Variants in PDE1C observed in about 807,000 individuals in gnomAD.
PDE1C encodes dual specificity calcium/calmodulin-dependent 3',5'-cyclic nucleotide phosphodiesterase 1C.
Under a neutral mutation model 93.1 loss-of-function variants are expected in PDE1C, and 62 were observed. The observed-to-expected ratio is 0.67, with a 90% CI of 0.54 to 0.82. The LOEUF is 0.82. Among genes scored for constraint, PDE1C ranks in the 40% least tolerant of loss-of-function variants. The probability of loss-of-function intolerance (pLI) is 0.00; values close to 1 mark genes in which losing one functional copy is unlikely to be tolerated. For synonymous variants in PDE1C, 325 were observed against 310.1 expected (o/e 1.05, Z -0.50); for missense variants, 742 against 884.6 (o/e 0.84, Z 2.04).
chr7:32,131,083 T>C (rs1799895864), intron 3 of PDE1C, among the ~76,000 whole-genome samples: 1 of 152,158 alleles, frequency 6.6e-6, no homozygotes, highest in Admixed American at 6.6e-5. Context: ...CCACAGGTTA[T>C]GGATCTCTTC....
At chr7:32,144,946 C>T (rs1007817776) in intron 3 of PDE1C, among the ~76,000 whole-genome samples, 21 of 152,156 alleles carry the variant, frequency 1.4e-4, no homozygotes, top group African/African-American at 4.8e-4. Flanking sequence ...ATACAGTGAA[C>T]CTTGCTGTAA....
intron 2 of PDE1C, among the ~76,000 whole-genome samples, chr7:31,994,489 T>C (rs1049926243): frequency 6.6e-5 from 10 of 152,162 alleles, no homozygotes; most frequent in Admixed American, 3.3e-4. Context: ...ATTTGATAAG[T>C]GCAAGATTTT....
At chr7:31,849,202 G>A (rs1303062940) in intron 8 of PDE1C, among the ~76,000 whole-genome samples, 4 of 152,276 alleles carry the variant, frequency 2.6e-5, no homozygotes, top group East Asian at 3.9e-4. Context: ...TCCACCTCCT[G>A]TAATAAAGCC....
At chr7:32,113,471 T>G (rs906234661) in intron 3 of PDE1C, among the ~76,000 whole-genome samples, 32 of 151,378 alleles carry the variant, frequency 2.1e-4, no homozygotes, top group African/African-American at 7.0e-4. Context: ...CATTGTATTC[T>G]TTGTTTCTTA....
At chr7:31,908,128 ATTGCTAAAAAAGTGAAAT>A (rs1800815051) in intron 2 of PDE1C, among the ~76,000 whole-genome samples, 1 of 152,198 alleles carries the variant, frequency 6.6e-6, no homozygotes, top group Non-Finnish European at 1.5e-5. Flanking sequence ...CATTAGTAAT[ATTGCTAAAAAAGTGAAAT>A]TCAGTCATCA....
At chr7:32,289,045 A>G (rs1432782034) in intron 1 of PDE1C, among the ~76,000 whole-genome samples, 1 of 152,244 alleles carries the variant, frequency 6.6e-6, no homozygotes, top group Non-Finnish European at 1.5e-5. Context: ...TACATATGTC[A>G]CATCATATGT....
chr7:32,121,122 AG>A (rs1340077606), intron 3 of PDE1C, among the ~76,000 whole-genome samples: 1 of 152,208 alleles, frequency 6.6e-6, no homozygotes, highest in Non-Finnish European at 1.5e-5. Flanking sequence ...AGCAAAAGAA[AG>A]GATATCAGAG....
At chr7:32,045,373 T>C (rs1792407425) in intron 2 of PDE1C, among the ~76,000 whole-genome samples, 1 of 152,138 alleles carries the variant, frequency 6.6e-6, no homozygotes, top group South Asian at 2.1e-4. Context: ...GTGGCAATCT[T>C]GGAATGTAAA....
rs1299999801 is a variant in PDE1C at position 31,860,825 on chromosome 7, CA to C, written c.750+4116del. 2.7e-4 allele frequency among the ~76,000 whole-genome samples: 41 copies of C among 152,032 alleles called. 1 individual carries two copies. The highest frequency in any genetic ancestry group is 5.9e-5 in the Non-Finnish European group (4 of 67,978). ...TTCTCATTTTTTCTTCTAATATGAT[CA>C]AATTTTTACTTTTGTACTTACATCT... On this transcript the variant is annotated intron_variant, in intron 7 of 17. Coordinates refer to ENST00000396191, the MANE Select transcript of PDE1C (RefSeq NM_001191057.4).
At chr7:31,984,749 T>A (rs1783142398) in intron 2 of PDE1C, among the ~76,000 whole-genome samples, 1 of 152,224 alleles carries the variant, frequency 6.6e-6, no homozygotes, top group Non-Finnish European at 1.5e-5. Context: ...AAATTTATTC[T>A]GTTTGCAGAT....
chr7:32,268,141 T>C (rs780138233), intron 1 of PDE1C, among the ~76,000 whole-genome samples: 12 of 152,350 alleles, frequency 7.9e-5, no homozygotes, highest in Non-Finnish European at 1.5e-4. Context: ...AGCTCCAAGA[T>C]ACTTAGCCTA....
intron 2 of PDE1C, among the ~76,000 whole-genome samples, chr7:31,961,311 TAC>T (rs1245065119): frequency 6.6e-6 from 1 of 151,950 alleles, no homozygotes; most frequent in Non-Finnish European, 1.5e-5. Context: ...CACATATATT[TAC>T]ACACATATAT....
chr7:32,199,963 CTATGTGTTTAAGATA>C (rs1383940853), intron 2 of PDE1C, among the ~76,000 whole-genome samples: 3 of 152,134 alleles, frequency 2.0e-5, no homozygotes, highest in Non-Finnish European at 4.4e-5. Context: ...TACCTTCAGG[CTATGTGTTTAAGATA>C]TATATGAAAC....
At chr7:31,861,398 A>G (rs772116087) in intron 7 of PDE1C, among the ~76,000 whole-genome samples, 1 of 151,952 alleles carries the variant, frequency 6.6e-6, no homozygotes, top group Non-Finnish European at 1.5e-5. Context: ...TATACTATTG[A>G]TATGTCCAAG....
At chr7:32,260,131 T>G (rs1183445337) in intron 1 of PDE1C, among the ~76,000 whole-genome samples, 1 of 152,092 alleles carries the variant, frequency 6.6e-6, no homozygotes, top group Non-Finnish European at 1.5e-5. Flanking sequence ...ACTTCAGTGT[T>G]TAGGGTTTTG....
chr7:31,898,020 T>TTGTGTGTGTG (rs140101637), intron 2 of PDE1C, among the ~76,000 whole-genome samples: 6 of 146,052 alleles, frequency 4.1e-5, no homozygotes, highest in South Asian at 2.2e-4. Flanking sequence ...TTTGGTTTCT[T>TTGTGTGTGTG]TGTGTGTGTG....
In PDE1C at chr7:32,124,112, C is replaced by T. The variant is rs552259055; in HGVS notation, c.308+45673G>A. ...AATGAACTCCTATTCATAATTGCTA[C>T]AAAGAGAATAAAATACCTAGGAATA... On this transcript the variant is annotated intron_variant, in intron 3 of 18. Transcript: ENST00000396193. 8.8e-4 allele frequency among the ~76,000 whole-genome samples: 134 copies of T among 152,158 alleles called. 1 individual carries two copies. Among genetic ancestry groups the T allele is most frequent in the African/African-American group, 3.1e-3 (130 of 41,504 alleles).
the PDE1C span, chr7:31,652,954 C>T: frequency 1.4e-6 from 2 of 1,478,132 alleles, no homozygotes; most frequent in Non-Finnish European, 9.0e-7. Flanking sequence ...CTCTCATATT[C>T]TACCCTTTGG....
downstream of PDE1C, among the ~76,000 whole-genome samples, chr7:31,747,910 C>G (rs1419640549): frequency 1.3e-5 from 2 of 151,170 alleles, no homozygotes; most frequent in Non-Finnish European, 2.9e-5. Context: ...CCATATAACT[C>G]CTGAGCAAGA....
Sources: gnomAD v4.1 joint callset for allele counts (sites outside exome capture counted in the v4.1 genomes callset) on GRCh38, gnomAD v4.1.1 for gene constraint, MANE v1.5 for transcripts, NCBI Gene and HGNC (gene_info 2026-07-23, HGNC 2026-07-21) for gene names.